Variants in COL11A1 observed in about 807,000 individuals in gnomAD.
COL11A1 encodes the protein collagen type XI alpha 1 chain.
Under a neutral mutation model 265.2 loss-of-function variants are expected in COL11A1, and 74 were observed. That is an observed-to-expected ratio of 0.28 (90% confidence interval 0.23 to 0.34). The LOEUF is 0.34. Among genes scored for constraint, COL11A1 ranks in the 10% least tolerant of loss-of-function variants. COL11A1 has a pLI of 1.00. For synonymous variants in COL11A1, 816 were observed against 727.6 expected, an observed-to-expected ratio of 1.12 and a Z score of -1.96; for missense variants, 2,165 against 2,263.6, an observed-to-expected ratio of 0.96 and a Z score of 0.88.
intron 1 of COL11A1, 94 bp downstream of exon 1, chr1:103,107,978 TG>T: frequency 1.1e-6 from 1 of 871,192 alleles, no homozygotes; most frequent in Admixed American, 2.0e-5. Flanking sequence ...TTTTTTTTCT[TG>T]AAGAGCGGGG....
rs1453886502 is a variant in COL11A1, at chr1:102,910,898, C to T, written c.4086+1261G>A. Among the ~76,000 whole-genome samples, 5 of 152,172 alleles carry T rather than the reference C, an allele frequency of 3.3e-5. No homozygotes were observed. The East Asian group carries it at 7.7e-4, about 24-fold the overall frequency. On this transcript the variant is annotated intron_variant, in intron 54 of 66. Coordinates refer to ENST00000370096, the MANE Select transcript of COL11A1 (RefSeq NM_001854.4). ...GAAAAAAGATAAAAAAAATGATTTC[C>T]TGTTGTTCCAAGAAGTATTTCAACT...
intron 46 of COL11A1, among the ~76,000 whole-genome samples, chr1:102,932,463 T>A (rs1378589306): frequency 1.3e-5 from 2 of 152,230 alleles, no homozygotes; most frequent in Admixed American, 6.5e-5. Context: ...AGAGATCCGC[T>A]GTTAGTCTGA....
In COL11A1 at chr1:102,998,748, T is replaced by C. The variant is rs568791085; in HGVS notation, c.2143-385A>G. 1.6e-4 allele frequency among the ~76,000 whole-genome samples: 25 copies of C among 152,030 alleles called. No homozygotes were observed. In the East Asian group the frequency reaches 4.4e-3, roughly 27 times the overall value. ...GTATTATTTCCCTCAATAATATTAG[T>C]AAGTACTAATTCAAAAAATTACATA... On this transcript the variant is annotated intron_variant, in intron 24 of 66. Transcript: ENST00000370096.
At position 102,888,583 on chromosome 1, in the gene COL11A1, C is replaced by G. The variant is rs986809598; in HGVS notation, c.4602G>C (p.Gly1534=). 3 of 1,612,202 alleles carry G rather than the reference C, an allele frequency of 1.9e-6. No homozygotes were observed. Among genetic ancestry groups the G allele is most frequent in the Non-Finnish European group, 2.5e-6 (3 of 1,178,360 alleles). Residue 1534 remains glycine (G), a synonymous_variant, in exon 62 of 67, where the codon GGG becomes GGC. Coordinates refer to ENST00000370096, the MANE Select transcript of COL11A1 (RefSeq NM_001854.4). ...KGDSGLPGPP[G]SPGPPGEVIQ... ...CTTGTTAACATATACTTACTGGAGA[C>G]CCAGGAGGCCCTGGAAGACCACTGT...
chr1:102,982,340 C>A (rs889602439), intron 31 of COL11A1, among the ~76,000 whole-genome samples: 2 of 151,904 alleles, frequency 1.3e-5, no homozygotes, highest in South Asian at 2.1e-4. Flanking sequence ...TCTACTCATT[C>A]ATGTAATATT....
intron 58 of COL11A1, 39 bp from the exon 59 acceptor site, chr1:102,889,601 T>G: frequency 1.5e-6 from 2 of 1,350,050 alleles, no homozygotes; most frequent in Non-Finnish European, 2.1e-6. Context: ...ACATGTACAT[T>G]ACTATCTTCA....
intron 41 of COL11A1, among the ~76,000 whole-genome samples, chr1:102,949,854 T>C (rs1659704046): frequency 6.6e-6 from 1 of 152,206 alleles, no homozygotes; most frequent in African/African-American, 2.4e-5. Context: ...GAGCCACTTC[T>C]ACCAAAACAA....
At chr1:102,945,308 A>T (rs1008359592) in intron 42 of COL11A1, among the ~76,000 whole-genome samples, 4 of 139,694 alleles carry the variant, frequency 2.9e-5, no homozygotes, top group Admixed American at 7.4e-5. Context: ...TTCTCCATCT[A>T]CCATGGGATG....
rs1557768897 is a variant in COL11A1 at position 102,881,866 on chromosome 1, TAAAG to T, written c.4972-105_4972-102del. ...TTCATTTTCAGTAAGACTAAGAAAATAAAGAGTGCTTAAAATCGTTTTAAAATGA... is the reference window on the plus strand; with the variant it reads ...TTCATTTTCAGTAAGACTAAGAAAATAGTGCTTAAAATCGTTTTAAAATGA... On this transcript the variant is annotated intron_variant, in intron 64 of 66. Transcript: ENST00000370096. 68 of 863,928 alleles carry T rather than the reference TAAAG, an allele frequency of 7.9e-5. 1 individual carries two copies. Among genetic ancestry groups the T allele is most frequent in the South Asian group, 7.0e-4 (46 of 66,068 alleles). 53.5% of individuals were successfully genotyped at this position (863,928 alleles called of 1,614,324 possible).
chr1:102,896,152 A>G (rs1652397075), intron 57 of COL11A1, among the ~76,000 whole-genome samples: 1 of 151,866 alleles, frequency 6.6e-6, no homozygotes, highest in Non-Finnish European at 1.5e-5. Context: ...CTTAAACTTT[A>G]GAAATATCAC....
rs138205780 is a variant in COL11A1, at chr1:102,919,032, T to G, written c.3762+1279A>C. Among the ~76,000 whole-genome samples, 3 of 152,128 alleles carry G rather than the reference T, an allele frequency of 2.0e-5. No individual in the cohort carries two copies. The East Asian group carries it at 5.8e-4, about 29-fold the overall frequency. On this transcript the variant is annotated intron_variant, in intron 49 of 66. Coordinates refer to ENST00000370096, the MANE Select transcript of COL11A1 (RefSeq NM_001854.4). ...TGCAAAGAGAAGAGGAAAAGGTGTG[T>G]GCCTTGGTGCCTTTTGTCTAATCTG... is the stretch of plus-strand genomic sequence containing the variant.
At chr1:102,897,498 C>A (rs1044875451) in intron 57 of COL11A1, among the ~76,000 whole-genome samples, 1 of 151,728 alleles carries the variant, frequency 6.6e-6, no homozygotes, top group Non-Finnish European at 1.5e-5. Flanking sequence ...TTTTAAAGGG[C>A]AAGTCTTTTA....
In COL11A1 at chr1:102,913,638, G is replaced by T. The variant is rs528959090; in HGVS notation, c.4031C>A (p.Pro1344Gln). The T allele has an allele frequency of 6.2e-7, 1 of 1,612,972 alleles. No individual in the cohort carries two copies. The highest frequency in any genetic ancestry group is 8.5e-7 in the Non-Finnish European group (1 of 1,179,280). The part of the protein sequence containing the change: ...DKGEDGDPGQ[P>Q]GPPGPSGEAG... ...AAATAAATTAGTGCATTTACTCACC[G>T]GTTGACCAGGATCTCCATCTTCACC... The change falls in exon 53 of 67, where the codon CCG becomes CAG. Residue 1344 changes from proline (P) to glutamine (Q), a missense_variant and splice_region_variant. Physicochemically the swap from Pro to Gln is moderately conservative, Grantham distance 76. Coordinates refer to ENST00000370096, the MANE Select transcript of COL11A1 (RefSeq NM_001854.4).
intron 21 of COL11A1, among the ~76,000 whole-genome samples, 198 bp downstream of exon 21, chr1:103,003,017 A>G (rs1380430528): frequency 6.6e-6 from 1 of 152,192 alleles, no homozygotes. Flanking sequence ...TGTATCATGA[A>G]AACACTAAGA....
chr1:103,007,825 A>C (rs1398416101), intron 15 of COL11A1, among the ~76,000 whole-genome samples: 1 of 147,230 alleles, frequency 6.8e-6, no homozygotes, highest in Non-Finnish European at 1.5e-5. Flanking sequence ...ATGCCACTGC[A>C]CACTCCAGCC....
intron 38 of COL11A1, among the ~76,000 whole-genome samples, chr1:102,963,645 A>T (rs2101582846): frequency 6.6e-6 from 1 of 152,320 alleles, no homozygotes; most frequent in East Asian, 1.9e-4. Context: ...AATGCAACAT[A>T]GTCTTAACTA....
rs543736342 is a variant in COL11A1 at position 102,992,533 on chromosome 1, G to GA, written c.2341-2963dup. The stretch of plus-strand genomic sequence containing the variant: ...AATGATCAATTATCTTGCATACTCA[G>GA]AAAAATGAAATAAATAAGGCATATT... On this transcript the variant is annotated intron_variant, in intron 28 of 66. Transcript: ENST00000370096. Among the ~76,000 whole-genome samples, 56 of 151,764 alleles carry GA rather than the reference G, an allele frequency of 3.7e-4. No homozygotes were observed. In the East Asian group the frequency reaches 9.7e-3, roughly 26 times the overall value.
intron 4 of COL11A1, among the ~76,000 whole-genome samples, chr1:103,042,538 G>T (rs533507304): frequency 3.9e-5 from 6 of 152,190 alleles, no homozygotes; most frequent in East Asian, 3.9e-4. Context: ...TCTCCCGCAG[G>T]TTGGTTTCCG....
chr1:102,929,312 C>T (rs909786554), intron 46 of COL11A1, among the ~76,000 whole-genome samples: 1 of 152,036 alleles, frequency 6.6e-6, no homozygotes, highest in Non-Finnish European at 1.5e-5. Flanking sequence ...CTACATATGG[C>T]TAGCCAGTTC....
Sources: gnomAD v4.1 joint callset for allele counts (sites outside exome capture counted in the v4.1 genomes callset) on GRCh38, gnomAD v4.1.1 for gene constraint, MANE v1.5 for transcripts, NCBI Gene and HGNC (gene_info 2026-07-23, HGNC 2026-07-21) for gene names.